MED27: variants seen among roughly 807,000 people sequenced by gnomAD.
MED27 encodes the protein mediator complex subunit 27.
Under a neutral mutation model 38.2 loss-of-function variants are expected in MED27, and 30 were observed. The ratio of observed to expected loss-of-function variants is 0.79; its 90% CI spans 0.59 to 1.07. The LOEUF is 1.07. Among genes scored for constraint, MED27 ranks in the 50% least tolerant of loss-of-function variants. The probability of loss-of-function intolerance (pLI) is 0.00; values close to 1 mark genes in which losing one functional copy is unlikely to be tolerated. For missense variants in MED27, 289 were observed against 397.5 expected, an observed-to-expected ratio of 0.73 and a Z score of 2.32; for synonymous variants, 122 against 153.5, an observed-to-expected ratio of 0.79 and a Z score of 1.52.
chr9:131,970,653 G>A (rs1245290364), intron 3 of MED27, among the ~76,000 whole-genome samples: 3 of 152,326 alleles, frequency 2.0e-5, no homozygotes, highest in East Asian at 3.9e-4. Flanking sequence ...TCTCAGAAGC[G>A]AGATGGCTGG....
chr9:132,037,753 G>A (rs1313174060), intron 2 of MED27, among the ~76,000 whole-genome samples: 1 of 152,086 alleles, frequency 6.6e-6, no homozygotes, highest in Non-Finnish European at 1.5e-5. Context: ...AATGAAAGTG[G>A]GCAAAACAGT....
At chr9:132,006,601 T>C (rs1832361857) in intron 3 of MED27, among the ~76,000 whole-genome samples, 3 of 152,228 alleles carry the variant, frequency 2.0e-5, no homozygotes, top group African/African-American at 7.2e-5. Context: ...GCCAGGTTTT[T>C]GTAATCGAAC....
At chr9:132,060,051 A>G (rs533797399) in intron 2 of MED27, among the ~76,000 whole-genome samples, 2 of 152,224 alleles carry the variant, frequency 1.3e-5, no homozygotes, top group Non-Finnish European at 2.9e-5. Flanking sequence ...AAGAAACTGC[A>G]GAGCTTGGAC....
At position 131,982,421 on chromosome 9, in the gene MED27, T is replaced by C. The variant is rs536488307; in HGVS notation, c.479+31916A>G. 6.6e-6 allele frequency among the ~76,000 whole-genome samples: 1 copy of C among 151,964 alleles called. No homozygotes were observed. Among genetic ancestry groups the C allele is most frequent in the Non-Finnish European group, 1.5e-5 (1 of 67,962 alleles). ...GAATGATCACTGACAAGATCAGGAG[T>C]AGAATCACCCAGCTGGGCCAGACCA... On this transcript the variant is annotated intron_variant, in intron 3 of 7. Transcript: ENST00000292035. This position sits in a 1 kb window ranked among gnomAD's most constrained non-coding sequence, Gnocchi z 4.3.
chr9:132,071,734 A>ACACGCG (rs1833943505), intron 2 of MED27, among the ~76,000 whole-genome samples: 1 of 151,136 alleles, frequency 6.6e-6, no homozygotes, highest in Non-Finnish European at 1.5e-5. Context: ...CATACGAGTA[A>ACACGCG]TGCACGTCCA....
intron 4 of MED27, among the ~76,000 whole-genome samples, chr9:131,914,335 C>T (rs1365126643): frequency 2.0e-5 from 3 of 152,214 alleles, no homozygotes; most frequent in Non-Finnish European, 4.4e-5. Context: ...GTCCGGCTGA[C>T]TGAGGTTAAA....
At chr9:131,985,714 T>C (rs11243587) in intron 3 of MED27, among the ~76,000 whole-genome samples, 15,885 of 151,976 alleles carry the variant, frequency 0.1, 1,095 homozygotes, top group South Asian at 0.18. Flanking sequence ...TTTTTTAGCA[T>C]ATACTACTTC....
intron 4 of MED27, among the ~76,000 whole-genome samples, chr9:131,916,226 T>A (rs1192992182): frequency 6.6e-6 from 1 of 152,218 alleles, no homozygotes; most frequent in South Asian, 2.1e-4. Flanking sequence ...AATATCAAGA[T>A]AAACTGCTTT....
At chr9:132,025,983 G>A (rs1226589629) in intron 2 of MED27, among the ~76,000 whole-genome samples, 1 of 152,118 alleles carries the variant, frequency 6.6e-6, no homozygotes, top group Non-Finnish European at 1.5e-5. Context: ...CTGTGGATTT[G>A]GGGAAGGGGA....
chr9:131,890,232 C>T (rs1393316920), intron 5 of MED27, among the ~76,000 whole-genome samples: 1 of 152,222 alleles, frequency 6.6e-6, no homozygotes, highest in Non-Finnish European at 1.5e-5. Flanking sequence ...TTGAGAGCTT[C>T]TCTGCCAAAT....
rs910775659 is a variant in MED27, at chr9:131,872,338, C to T, written c.724-9198G>A. Among the ~76,000 whole-genome samples, 3 of 152,358 alleles carry T rather than the reference C, an allele frequency of 2.0e-5. No homozygotes were observed. Among genetic ancestry groups the T allele is most frequent in the African/African-American group, 7.2e-5 (3 of 41,600 alleles). Reference sequence around the variant, plus strand: ...GCATTATCTGCCAGCACACAGCCCCCGAGGCCAAGCTAGAAGAGCGGGCGC... The same window carrying T: ...GCATTATCTGCCAGCACACAGCCCCTGAGGCCAAGCTAGAAGAGCGGGCGC... On this transcript the variant is annotated intron_variant, in intron 6 of 7. Transcript: ENST00000292035. This position sits in a 1 kb window ranked among gnomAD's most constrained non-coding sequence, Gnocchi z 5.6.
intron 3 of MED27, among the ~76,000 whole-genome samples, chr9:132,011,754 A>AT (rs763611838): frequency 5.9e-4 from 90 of 152,158 alleles, no homozygotes; most frequent in Admixed American, 3.3e-4. Flanking sequence ...CTATAAAGGG[A>AT]TTCCAGGATA....
At chr9:132,043,431 C>T (rs1037410406) in intron 2 of MED27, among the ~76,000 whole-genome samples, 3 of 151,646 alleles carry the variant, frequency 2.0e-5, no homozygotes, top group Non-Finnish European at 4.4e-5. Flanking sequence ...AGGAGGGGCT[C>T]ATAACACACG....
intron 3 of MED27, among the ~76,000 whole-genome samples, chr9:131,946,465 C>A (rs888971393): frequency 6.6e-6 from 1 of 152,188 alleles, no homozygotes; most frequent in African/African-American, 2.4e-5. Context: ...ATCCTTCCAA[C>A]AAAATCAAAG....
chr9:131,927,672 T>C (rs1234837107), intron 4 of MED27, among the ~76,000 whole-genome samples: 1 of 152,176 alleles, frequency 6.6e-6, no homozygotes, highest in Non-Finnish European at 1.5e-5. Flanking sequence ...AAGGTTCTGA[T>C]TGGCCCCGAA....
chr9:131,930,794 T>C (rs1242896544), intron 4 of MED27, among the ~76,000 whole-genome samples: 1 of 152,108 alleles, frequency 6.6e-6, no homozygotes, highest in East Asian at 1.9e-4. Context: ...TCAAAAATAA[T>C]AACTTTTCAA....
At chr9:131,949,516 G>A (rs988931625) in intron 3 of MED27, among the ~76,000 whole-genome samples, 3 of 152,144 alleles carry the variant, frequency 2.0e-5, no homozygotes, top group African/African-American at 7.2e-5. Context: ...CAGAATCCAC[G>A]TCTCTGGATT....
intron 3 of MED27, among the ~76,000 whole-genome samples, chr9:131,942,260 C>G (rs1404342701): frequency 6.6e-6 from 1 of 152,134 alleles, no homozygotes; most frequent in African/African-American, 2.4e-5. Flanking sequence ...AGCTTAAATG[C>G]TACAAAAGGG....
intron 2 of MED27, among the ~76,000 whole-genome samples, chr9:132,028,481 A>AT (rs1832875899): frequency 6.6e-6 from 1 of 152,030 alleles, no homozygotes; most frequent in Non-Finnish European, 1.5e-5. Flanking sequence ...TGCTTGGCAC[A>AT]TAGCCATGGC....
Sources: allele counts gnomAD v4.1 joint callset (sites outside exome capture counted in the v4.1 genomes callset), GRCh38; gene constraint gnomAD v4.1.1; non-coding constraint Gnocchi (gnomAD v3.1); transcripts MANE v1.5; gene names NCBI Gene and HGNC (gene_info 2026-07-23, HGNC 2026-07-21).